Variants in SYNPO observed in about 807,000 individuals in gnomAD.
SYNPO encodes synaptopodin.
In SYNPO, 19 loss-of-function variants were observed where a neutral mutation model predicts 49.5. That is an observed-to-expected ratio of 0.38 (90% CI 0.27 to 0.56). The LOEUF (loss-of-function observed/expected upper bound fraction) is 0.56, where lower values mean the gene tolerates loss of function less well. Among genes scored for constraint, SYNPO ranks in the 20% least tolerant of loss-of-function variants. The pLI is 0.68. For missense variants in SYNPO, 1,131 were observed against 1,248.3 expected (o/e 0.91, Z 1.42); for synonymous variants, 536 against 548.0 (o/e 0.98, Z 0.31).
intron 1 of SYNPO, among the ~76,000 whole-genome samples, chr5:150,612,600 T>C (rs1756878871): frequency 6.6e-6 from 1 of 152,170 alleles, no homozygotes; most frequent in Non-Finnish European, 1.5e-5. Flanking sequence ...GCTTGGCAAG[T>C]CATCGCAGCT....
intron 2 of SYNPO, among the ~76,000 whole-genome samples, chr5:150,656,081 C>T (rs546999147): frequency 6.6e-6 from 1 of 152,374 alleles, no homozygotes; most frequent in South Asian, 2.1e-4. Flanking sequence ...AGGTTAAGTA[C>T]TGTTATCACA....
In SYNPO at chr5:150,650,050, A is replaced by T; in HGVS notation, c.1775A>T (p.Lys592Met). The change falls in exon 2 of 3, where the codon AAG becomes ATG. Residue 592 changes from lysine (K) to methionine (M), a missense_variant. Transcript: ENST00000307662. ...TCACCAAGAGCTGCCTCGCCCGCCA[A>T]GCCCAGCTCCTTGGACCTGGTGCCC... is the stretch of plus-strand genomic sequence containing the variant. ...KVSPRAASPA[K>M]PSSLDLVPNL... 6.2e-7 allele frequency: 1 copy of T among 1,613,094 alleles called. No homozygotes were observed. Among genetic ancestry groups the T allele is most frequent in the Non-Finnish European group, 8.5e-7 (1 of 1,179,968 alleles).
chr5:150,631,864 G>A (rs1365990239), intron 2 of SYNPO, among the ~76,000 whole-genome samples: 2 of 152,082 alleles, frequency 1.3e-5, no homozygotes, highest in Non-Finnish European at 2.9e-5. Context: ...AGGAGGCTGC[G>A]GTCACTCAAG....
Position 150,648,440 on chromosome 5 carries a change from G to A in SYNPO, c.165G>A (p.Pro55=), listed in dbSNP as rs201766640. 2.5e-6 allele frequency: 4 copies of A among 1,614,066 alleles called. No homozygotes were observed. The highest frequency in any genetic ancestry group is 2.2e-5 in the South Asian group (2 of 91,072). The change falls in exon 2 of 3, where the codon CCG becomes CCA. Residue 55 remains proline, a synonymous_variant. Coordinates refer to ENST00000307662, the MANE Select transcript of SYNPO (RefSeq NM_007286.6). The surrounding 1 kb of genome is among the most constrained non-coding windows in gnomAD (Gnocchi z 5.0). ...SQNREAQQSS[P]APPPAEVHSP... ...ACCGAGAGGCCCAGCAGTCCTCACCGGCCCCACCTCCAGCTGAGGTCCACA... is the reference window on the plus strand; with the variant it reads ...ACCGAGAGGCCCAGCAGTCCTCACCAGCCCCACCTCCAGCTGAGGTCCACA...
At chr5:150,650,483 A>G in intron 2 of SYNPO, 180 bp downstream of exon 2, 1 of 1,501,574 alleles carries the variant, frequency 6.7e-7, no homozygotes, top group Non-Finnish European at 8.9e-7. Context: ...TGGCTTTGTG[A>G]CCTTGGGCGA....
the SYNPO span, among the ~76,000 whole-genome samples, chr5:150,591,135 G>A: frequency 6.6e-6 from 1 of 152,168 alleles, no homozygotes; most frequent in South Asian, 2.1e-4. Context: ...TGGAGGACAT[G>A]GCCCGCAGCC....
Position 150,656,485 on chromosome 5 carries a change from A to G in SYNPO, c.2110A>G (p.Ser704Gly), listed in dbSNP as rs1758555684. The G allele has an allele frequency of 6.5e-7, 1 of 1,532,176 alleles. No homozygotes were observed. The highest frequency in any genetic ancestry group is 1.2e-5 in the South Asian group (1 of 83,776). The allele number at this position is 1,532,176 out of a possible 1,614,324, so 94.9% of individuals were successfully genotyped here. The stretch of plus-strand genomic sequence containing the variant: ...CCCCAGCAGCCTAGACGGCTGGGTG[A>G]GCCCGGGCCCGTGGGAGCCAGGTCG... ...RPPSSLDGWVSPGPWEPGRGS... is the reference protein window; with the variant it reads ...RPPSSLDGWVGPGPWEPGRGS... Residue 704 changes from serine (S) to glycine (G), a missense_variant, in exon 3 of 3, where the codon AGC (serine) becomes GGC (glycine). Coordinates refer to ENST00000307662, the MANE Select transcript of SYNPO (RefSeq NM_007286.6).
rs1384388408 is a variant in SYNPO at position 150,616,970 on chromosome 5, A to G, written c.-265-1133A>G. Among the ~76,000 whole-genome samples, 2 of 152,076 alleles carry G rather than the reference A, an allele frequency of 1.3e-5. 1 individual carries two copies. The highest frequency in any genetic ancestry group is 2.9e-5 in the Non-Finnish European group (2 of 68,016). On this transcript the variant is annotated intron_variant, in intron 1 of 2. Transcript: ENST00000394243. The stretch of plus-strand genomic sequence containing the variant: ...TCACAGCTCTCCTCACCACATTTTA[A>G]GGCTTCTTTATCCCTCTGCTATATC...
chr5:150,634,878 C>A (rs904359226), intron 2 of SYNPO, among the ~76,000 whole-genome samples: 1 of 150,424 alleles, frequency 6.6e-6, no homozygotes, highest in South Asian at 2.1e-4. Context: ...CACACACACA[C>A]AAAGGGGACA....
At chr5:150,626,855 G>A (rs1757373691) in intron 2 of SYNPO, among the ~76,000 whole-genome samples, 1 of 152,188 alleles carries the variant, frequency 6.6e-6, no homozygotes, top group Non-Finnish European at 1.5e-5. Context: ...ATCCTTAATA[G>A]GTGAATGGCG....
At chr5:150,620,905 C>CTTTCTTTA (rs1561639727) in intron 2 of SYNPO, among the ~76,000 whole-genome samples, 11 of 115,518 alleles carry the variant, frequency 9.5e-5, no homozygotes, top group African/African-American at 3.3e-4. Context: ...TTTTCTCTTT[C>CTTTCTTTA]TTTCTTTCTT....
chr5:150,646,824 A>G (rs1426256583), intron 1 of SYNPO, among the ~76,000 whole-genome samples: 1 of 152,206 alleles, frequency 6.6e-6, no homozygotes, highest in East Asian at 1.9e-4. Context: ...ATAATTCTGA[A>G]AGTATAAAGG....
chr5:150,651,741 C>T, intron 2 of SYNPO: 1 of 1,000,518 alleles, frequency 1.0e-6, no homozygotes. Flanking sequence ...GACCTGGATT[C>T]TAACAGACCA....
At chr5:150,594,054 C>T in the SYNPO span, among the ~76,000 whole-genome samples, 2 of 152,170 alleles carry the variant, frequency 1.3e-5, no homozygotes, top group African/African-American at 4.8e-5. Context: ...TTACCCTGCA[C>T]GGCTGTGCTG....
At chr5:150,605,538 G>A (rs1756667858) in intron 1 of SYNPO, among the ~76,000 whole-genome samples, 1 of 152,072 alleles carries the variant, frequency 6.6e-6, no homozygotes, top group Admixed American at 6.5e-5. Context: ...GGGAAGGGGA[G>A]GCCCTTGGTA....
At chr5:150,621,380 G>A (rs1757168189) in intron 2 of SYNPO, among the ~76,000 whole-genome samples, 1 of 152,182 alleles carries the variant, frequency 6.6e-6, no homozygotes, top group African/African-American at 2.4e-5. Flanking sequence ...GGAGATGGAG[G>A]CAGGAAGGAA....
chr5:150,611,392 G>A (rs961601102), intron 1 of SYNPO, among the ~76,000 whole-genome samples: 1 of 152,234 alleles, frequency 6.6e-6, no homozygotes, highest in African/African-American at 2.4e-5. Flanking sequence ...CTGAAATTCA[G>A]TAAGATGCAG....
rs1758249577 is a variant in SYNPO at position 150,649,284 on chromosome 5, C to T, written c.1009C>T (p.Pro337Ser). 2 of 1,614,212 alleles carry T rather than the reference C, an allele frequency of 1.2e-6. No individual in the cohort carries two copies. Among genetic ancestry groups the T allele is most frequent in the African/African-American group, 1.3e-5 (1 of 75,042 alleles). Reference sequence around the variant, plus strand: ...CCCTCTGGCTTCCTGGGTGAGGTCTCCTCCCTCATATTCTGTCCTGTATCC... The same window carrying T: ...CCCTCTGGCTTCCTGGGTGAGGTCTTCTCCCTCATATTCTGTCCTGTATCC... ...TAPLASWVRS[P>S]PSYSVLYPSS... The change falls in exon 2 of 3, where the codon CCT becomes TCT. Residue 337 changes from proline to serine, a missense_variant. By Grantham distance (74) the Pro-to-Ser change is moderately conservative (BLOSUM62 -1). Coordinates refer to ENST00000307662, the MANE Select transcript of SYNPO (RefSeq NM_007286.6).
In SYNPO at chr5:150,616,337, G is replaced by A. The variant is rs557611705; in HGVS notation, c.-265-1766G>A. ...TCTCACAATTTTCAGGATTCTCACT[G>A]CTCCCCATTTTGCAGTAGGATAAGT... On this transcript the variant is annotated intron_variant, in intron 1 of 2. Coordinates refer to the SYNPO transcript ENST00000394243. Among the ~76,000 whole-genome samples the A allele has an allele frequency of 7.9e-5, 12 of 152,316 alleles. No individual in the cohort carries two copies. In the East Asian group the frequency reaches 2.3e-3, roughly 29 times the overall value.
Sources: gnomAD v4.1 joint callset for allele counts (sites outside exome capture counted in the v4.1 genomes callset) on GRCh38, gnomAD v4.1.1 for gene constraint, Gnocchi (gnomAD v3.1) non-coding constraint, MANE v1.5 for transcripts, NCBI Gene and HGNC (gene_info 2026-07-23, HGNC 2026-07-21) for gene names.